The following TDRD5 variants were observed in gnomAD, a reference collection of about 807,000 sequenced individuals.
The protein encoded by TDRD5 is tudor domain containing 5.
TDRD5 carries 41 observed loss-of-function variants against 120.6 expected under a neutral mutation model. The ratio of observed to expected loss-of-function variants is 0.34; its 90% CI spans 0.26 to 0.44. TDRD5 has a LOEUF of 0.44. Among genes scored for constraint, TDRD5 ranks in the 20% least tolerant of loss-of-function variants. The pLI is 1.00. For missense variants in TDRD5, 1,006 were observed against 1,221.2 expected, an observed-to-expected ratio of 0.82 and a Z score of 2.63; for synonymous variants, 430 against 433.7, an observed-to-expected ratio of 0.99 and a Z score of 0.11.
chr1:179,647,225 A>G (rs967424764), intron 11 of TDRD5, among the ~76,000 whole-genome samples: 6 of 133,170 alleles, frequency 4.5e-5, no homozygotes, highest in Non-Finnish European at 8.6e-5. Flanking sequence ...AGTAACCAAA[A>G]CAGCATGGTA....
chr1:179,690,553 C>T, intron 17 of TDRD5, 143 bp from the exon 18 acceptor site: 1 of 1,097,294 alleles, frequency 9.1e-7, no homozygotes, highest in South Asian at 1.7e-5. Flanking sequence ...TAAGTCTCAT[C>T]TTCTCTGATT....
chr1:179,623,026 A>T (rs1676919804), intron 6 of TDRD5, among the ~76,000 whole-genome samples: 1 of 152,186 alleles, frequency 6.6e-6, no homozygotes, highest in South Asian at 2.1e-4. Context: ...CATACAGGAG[A>T]ACAGTGATAC....
rs1024027425 is a variant in TDRD5, at chr1:179,615,058, G to A, written c.832-3541G>A. On this transcript the variant is annotated intron_variant, in intron 4 of 17. Transcript: ENST00000444136. ...CCACCCCTCAGTGTCTGGTAACCACGATTTTACTCTGTGTCTACAAGTTTG... is the reference window on the plus strand; with the variant it reads ...CCACCCCTCAGTGTCTGGTAACCACAATTTTACTCTGTGTCTACAAGTTTG... Among the ~76,000 whole-genome samples, 10 of 152,076 alleles carry A rather than the reference G, an allele frequency of 6.6e-5. No individual in the cohort carries two copies. The South Asian group carries it at 1.0e-3, about 16-fold the overall frequency.
chr1:179,625,011 T>C (rs1274259829), intron 6 of TDRD5, among the ~76,000 whole-genome samples: 2 of 151,998 alleles, frequency 1.3e-5, no homozygotes, highest in African/African-American at 4.8e-5. Context: ...TGGTGGCTCA[T>C]GCCTGTAACC....
intron 17 of TDRD5, among the ~76,000 whole-genome samples, chr1:179,671,563 C>T (rs1044458461): frequency 2.0e-5 from 3 of 151,574 alleles, no homozygotes; most frequent in African/African-American, 7.3e-5. Context: ...TTGTAAAAAC[C>T]TAGGACAAAT....
At chr1:179,603,061 G>A (rs1336501256) in intron 4 of TDRD5, among the ~76,000 whole-genome samples, 2 of 152,122 alleles carry the variant, frequency 1.3e-5, no homozygotes, top group East Asian at 3.9e-4. Context: ...TTTCAGCAGT[G>A]TTTTGTAGTT....
intron 11 of TDRD5, among the ~76,000 whole-genome samples, chr1:179,649,478 A>G (rs1002462344): frequency 8.6e-5 from 13 of 151,882 alleles, no homozygotes; most frequent in African/African-American, 3.1e-4. Context: ...AATACCTCAC[A>G]CTTTACCAAT....
intron 13 of TDRD5, 125 bp downstream of exon 13, chr1:179,652,322 A>G: frequency 1.1e-6 from 1 of 929,268 alleles, no homozygotes; most frequent in Non-Finnish European, 1.6e-6. Flanking sequence ...TGATCTTAAC[A>G]ATTTGTCTCT....
At chr1:179,609,903 T>C (rs12566427) in intron 4 of TDRD5, among the ~76,000 whole-genome samples, 15,667 of 152,150 alleles carry the variant, frequency 0.1, 889 homozygotes, top group African/African-American at 0.13. Flanking sequence ...CTTTTCCATA[T>C]TCAATCCTGC....
In TDRD5 at chr1:179,592,766, C is replaced by G. The variant is rs138668107; in HGVS notation, c.151C>G (p.Arg51Gly). 1 of 1,614,136 alleles carries G rather than the reference C, an allele frequency of 6.2e-7. No homozygotes were observed. Among genetic ancestry groups the G allele is most frequent in the East Asian group, 2.2e-5 (1 of 44,888 alleles). The change falls in exon 2 of 18, where the codon CGG (arginine) becomes GGG (glycine). Residue 51 changes from arginine (R) to glycine (G), a missense_variant. Physicochemically the swap from Arg to Gly is moderately radical, Grantham distance 125. Transcript: ENST00000444136. ...TCTACCACTCCGAATCCTTGGGTAT[C>G]GGTCCACTATGGAGCTGGTATTGGA... The part of the protein sequence containing the change: ...NHLPLRILGY[R>G]STMELVLDMP...
chr1:179,659,474 T>C (rs1679167804), intron 14 of TDRD5, among the ~76,000 whole-genome samples: 1 of 151,754 alleles, frequency 6.6e-6, no homozygotes, highest in African/African-American at 2.4e-5. Context: ...CATTATGAAA[T>C]GTCTTTATTC....
chr1:179,686,827 C>G (rs1433075853), intron 17 of TDRD5, among the ~76,000 whole-genome samples: 1 of 152,192 alleles, frequency 6.6e-6, no homozygotes, highest in African/African-American at 2.4e-5. Context: ...AGTTTATTTG[C>G]ACAGAGGTAT....
At position 179,651,075 on chromosome 1, in the gene TDRD5, A is replaced by G; in HGVS notation, c.2001+8A>G. ...GAAAATATCTCTTCTAAGGTGGAGCAGTCTGGATGTATTTTGTAATATATT... is the reference window on the plus strand; with the variant it reads ...GAAAATATCTCTTCTAAGGTGGAGCGGTCTGGATGTATTTTGTAATATATT... On this transcript the variant is annotated splice_region_variant and intron_variant, in intron 12 of 17. Coordinates refer to ENST00000444136, the MANE Select transcript of TDRD5 (RefSeq NM_001199085.3). The G allele has an allele frequency of 1.2e-6, 2 of 1,613,558 alleles. No homozygotes were observed. Among genetic ancestry groups the G allele is most frequent in the Middle Eastern group, 1.7e-4 (1 of 6,058 alleles).
intron 4 of TDRD5, among the ~76,000 whole-genome samples, chr1:179,608,820 A>G (rs1676128111): frequency 6.6e-6 from 1 of 151,786 alleles, no homozygotes; most frequent in Admixed American, 6.6e-5. Flanking sequence ...TGGATGCTAG[A>G]CCATTGTGAA....
chr1:179,645,705 A>T (rs545440302), intron 11 of TDRD5, among the ~76,000 whole-genome samples: 1 of 152,080 alleles, frequency 6.6e-6, no homozygotes, highest in Non-Finnish European at 1.5e-5. Flanking sequence ...TCTTTTGTGT[A>T]TTTCTTCCTA....
intron 4 of TDRD5, among the ~76,000 whole-genome samples, chr1:179,600,183 T>C (rs576345297): frequency 3.3e-5 from 5 of 152,290 alleles, no homozygotes; most frequent in African/African-American, 1.2e-4. Context: ...GTATGATGTT[T>C]ATAAAGTCTA....
chr1:179,665,553 A>G (rs988805739), intron 16 of TDRD5, among the ~76,000 whole-genome samples: 2 of 152,214 alleles, frequency 1.3e-5, no homozygotes, highest in South Asian at 2.1e-4. Context: ...TGACATAAAG[A>G]TAGGGTTTAT....
chr1:179,654,572 G>A (rs4606276), intron 14 of TDRD5, among the ~76,000 whole-genome samples: 51,331 of 151,840 alleles, frequency 0.34, 8,896 homozygotes, highest in Admixed American at 0.42. Context: ...CAAGACCAGC[G>A]TGGTCAACAT....
At chr1:179,682,359 A>G (rs746617805) in intron 17 of TDRD5, among the ~76,000 whole-genome samples, 1 of 152,080 alleles carries the variant, frequency 6.6e-6, no homozygotes, top group Non-Finnish European at 1.5e-5. Flanking sequence ...CCTGTCATCT[A>G]CATTAGGTAT....
Sources: gnomAD v4.1 joint callset for allele counts (sites outside exome capture counted in the v4.1 genomes callset) on GRCh38, gnomAD v4.1.1 for gene constraint, MANE v1.5 for transcripts, NCBI Gene and HGNC (gene_info 2026-07-23, HGNC 2026-07-21) for gene names.